Variants in ANKRD13C observed in about 807,000 individuals in gnomAD.
The protein encoded by ANKRD13C is ankyrin repeat domain-containing protein 13C.
ANKRD13C carries 16 observed loss-of-function variants against 65.5 expected under a neutral mutation model. The ratio of observed to expected loss-of-function variants is 0.24; its 90% CI spans 0.17 to 0.37. ANKRD13C has a LOEUF of 0.37. ANKRD13C is among the 10% of genes least tolerant of loss of function. The pLI is 1.00. For missense variants in ANKRD13C, 503 were observed against 655.9 expected, an observed-to-expected ratio of 0.77 and a Z score of 2.55; for synonymous variants, 235 against 238.7, an observed-to-expected ratio of 0.98 and a Z score of 0.14.
intron 9 of ANKRD13C, among the ~76,000 whole-genome samples, chr1:70,279,156 G>A (rs535314566): frequency 5.3e-5 from 8 of 151,976 alleles, no homozygotes; most frequent in East Asian, 1.9e-4. Context: ...GCAGTGAGCC[G>A]AGATCATGCC....
At chr1:70,314,295 T>G (rs756362783) in intron 4 of ANKRD13C, among the ~76,000 whole-genome samples, 18 of 151,914 alleles carry the variant, frequency 1.2e-4, no homozygotes, top group Non-Finnish European at 7.4e-5. Context: ...CTCAGCTCAC[T>G]GCAACCTCTG....
In ANKRD13C at chr1:70,259,266, A is replaced by G. The variant is rs146916697; in HGVS notation, c.*3451T>C. ...TTATCTTTTTGGTTTTATGTTAGAC[A>G]ATATTTCTACTCTAATTAAAGTCAT... is the stretch of plus-strand genomic sequence containing the variant. On this transcript the variant is annotated 3_prime_UTR_variant, in exon 13 of 13. Coordinates refer to ENST00000370944, the MANE Select transcript of ANKRD13C (RefSeq NM_030816.5). Among the ~76,000 whole-genome samples, 2 of 152,192 alleles carry G rather than the reference A, an allele frequency of 1.3e-5. No individual in the cohort carries two copies.
Position 70,332,713 on chromosome 1 carries a change from G to A in ANKRD13C, c.472+3345C>T, listed in dbSNP as rs566537035. ...ACTCCTGGCCTTAAGTGATCTGCCC[G>A]CCTCGGCCTCCCAAAGTGCTAGGAT... On this transcript the variant is annotated intron_variant, in intron 2 of 12. Coordinates refer to ENST00000370944, the MANE Select transcript of ANKRD13C (RefSeq NM_030816.5). Among the ~76,000 whole-genome samples the A allele has an allele frequency of 4.6e-5, 7 of 152,180 alleles. No homozygotes were observed. The South Asian group carries it at 1.0e-3, about 23-fold the overall frequency.
intron 2 of ANKRD13C, among the ~76,000 whole-genome samples, chr1:70,332,100 C>G (rs895067166): frequency 6.6e-6 from 1 of 152,082 alleles, no homozygotes; most frequent in Non-Finnish European, 1.5e-5. Context: ...ACAACAAATA[C>G]CAACATTATT....
chr1:70,306,093 G>A (rs560355351), intron 6 of ANKRD13C, 131 bp downstream of exon 6: 5 of 504,156 alleles, frequency 9.9e-6, no homozygotes, highest in East Asian at 3.7e-5. Context: ...TGTCTCGAAT[G>A]AGATAAAATA....
intron 9 of ANKRD13C, among the ~76,000 whole-genome samples, chr1:70,283,381 G>A (rs997147652): frequency 1.3e-5 from 2 of 152,062 alleles, no homozygotes; most frequent in African/African-American, 4.8e-5. Flanking sequence ...AACTTCTGAT[G>A]ACTATTTTCC....
chr1:70,290,387 C>G (rs902252058), intron 9 of ANKRD13C, among the ~76,000 whole-genome samples: 1 of 152,068 alleles, frequency 6.6e-6, no homozygotes, highest in African/African-American at 2.4e-5. Flanking sequence ...TATGTAGTAG[C>G]CTTTTAACCT....
chr1:70,271,418 A>C (rs1678874774), intron 11 of ANKRD13C, among the ~76,000 whole-genome samples: 1 of 152,220 alleles, frequency 6.6e-6, no homozygotes, highest in South Asian at 2.1e-4. Context: ...ATATCATATT[A>C]GTCATTATGC....
At chr1:70,267,625 T>G (rs575444508) in intron 12 of ANKRD13C, among the ~76,000 whole-genome samples, 18 of 152,222 alleles carry the variant, frequency 1.2e-4, no homozygotes, top group Non-Finnish European at 2.4e-4. Flanking sequence ...ATTATTAATA[T>G]GTTAGGGCTT....
At chr1:70,280,618 C>T (rs539832533) in intron 9 of ANKRD13C, among the ~76,000 whole-genome samples, 2 of 152,236 alleles carry the variant, frequency 1.3e-5, no homozygotes, top group East Asian at 1.9e-4. Context: ...ATTCTGGCTT[C>T]GACAATGACT....
chr1:70,313,862 A>G (rs758276054), intron 4 of ANKRD13C, 72 bp from the exon 5 acceptor site: 4 of 1,118,340 alleles, frequency 3.6e-6, no homozygotes, highest in East Asian at 4.7e-5. Context: ...AAATATGGCT[A>G]TTCCTTAAAA....
intron 9 of ANKRD13C, among the ~76,000 whole-genome samples, chr1:70,289,421 A>T (rs1392047317): frequency 2.0e-5 from 3 of 152,092 alleles, no homozygotes; most frequent in Non-Finnish European, 4.4e-5. Flanking sequence ...GCATTCTATA[A>T]AGTCTTATTT....
At chr1:70,299,440 A>C (rs955115100) in intron 7 of ANKRD13C, among the ~76,000 whole-genome samples, 1 of 152,244 alleles carries the variant, frequency 6.6e-6, no homozygotes, top group Non-Finnish European at 1.5e-5. Flanking sequence ...TGTATCTCCA[A>C]CATGTGGGAT....
intron 2 of ANKRD13C, among the ~76,000 whole-genome samples, chr1:70,328,761 T>A (rs77487456): frequency 2.0e-5 from 3 of 152,230 alleles, no homozygotes; most frequent in Non-Finnish European, 4.4e-5. Flanking sequence ...TAGAGAAATG[T>A]ATGTAAGAAT....
At position 70,315,527 on chromosome 1, in the gene ANKRD13C, TC is replaced by T. The variant is rs1472021172; in HGVS notation, c.616del (p.Glu206LysfsTer11). ...LLRKLKQQSRESVEEKRPRLL... is the reference protein window; with the variant it reads ...LLRKLKQQSRXSVEEKRPRLL... ...TCGAGGTCGTTTTTCTTCAACACTT[TC>T]CCTGGATTGCTGCTTAAGCTTCCTC... is the stretch of plus-strand genomic sequence containing the variant. On this transcript the variant is annotated frameshift_variant, in exon 4 of 13. Coordinates refer to ENST00000370944, the MANE Select transcript of ANKRD13C (RefSeq NM_030816.5). LOFTEE classifies it high-confidence loss of function. The T allele has an allele frequency of 6.2e-7, 1 of 1,609,464 alleles. No individual in the cohort carries two copies.
chr1:70,316,857 C>A (rs1368686686), intron 3 of ANKRD13C, among the ~76,000 whole-genome samples: 1 of 151,914 alleles, frequency 6.6e-6, no homozygotes, highest in African/African-American at 2.4e-5. Context: ...AAAATATATA[C>A]ATATATACAC....
intron 1 of ANKRD13C, among the ~76,000 whole-genome samples, chr1:70,340,675 T>C (rs942757421): frequency 1.3e-5 from 2 of 152,238 alleles, no homozygotes; most frequent in African/African-American, 4.8e-5. Flanking sequence ...TGTCTTCTTG[T>C]AATTCTAGCA....
chr1:70,280,612 T>C (rs1426388491), intron 9 of ANKRD13C, among the ~76,000 whole-genome samples: 1 of 152,212 alleles, frequency 6.6e-6, no homozygotes, highest in Non-Finnish European at 1.5e-5. Flanking sequence ...GATCCAATTC[T>C]GGCTTCGACA....
rs201689365 is a variant in ANKRD13C, at chr1:70,354,133, C to G, written c.276G>C (p.Pro92=). ...CGGGGTTGGTGCCGGCCAGAAGGGC[C>G]GGGGACTGGGAGTTGGCAGTCACGG... ...NSSVTANSQS[P]ALLAGTNPVA... Residue 92 remains proline (P), a synonymous_variant, in exon 1 of 13, where the codon CCG becomes CCC. Transcript: ENST00000370944. The G allele has an allele frequency of 2.9e-3, 4,659 of 1,613,870 alleles. 14 individuals carry two copies. Among genetic ancestry groups the G allele is most frequent in the Non-Finnish European group, 3.4e-3 (3,981 of 1,179,884 alleles).
Sources: gnomAD v4.1 joint callset for allele counts (sites outside exome capture counted in the v4.1 genomes callset) on GRCh38, gnomAD v4.1.1 for gene constraint, MANE v1.5 for transcripts, NCBI Gene and HGNC (gene_info 2026-07-23, HGNC 2026-07-21) for gene names.